CRB1: variants seen among roughly 807,000 people sequenced by gnomAD.
CRB1 encodes protein crumbs homolog 1.
CRB1 carries 83 observed loss-of-function variants against 120.0 expected under a neutral mutation model. That is an observed-to-expected ratio of 0.69 (90% CI 0.58 to 0.83). CRB1 has a LOEUF of 0.83. Ranked by LOEUF, CRB1 falls within the 40% of genes least tolerant of loss-of-function variation. The pLI, the probability that CRB1 is intolerant of heterozygous loss-of-function variation, is 0.00. For missense variants in CRB1, 1,699 were observed against 1,687.6 expected (o/e 1.01, Z -0.12); for synonymous variants, 625 against 612.5 (o/e 1.02, Z -0.30).
the CRB1 span, among the ~76,000 whole-genome samples, chr1:197,252,568 ATATATATATATATATGTGTGTGTG>A: frequency 4.3e-4 from 20 of 46,896 alleles, no homozygotes; most frequent in South Asian, 1.9e-3. Context: ...ATATATATAT[ATATATATATATATATGTGTGTGTG>A]TGTGTGTGTG....
chr1:197,212,746 G>A, the CRB1 span, among the ~76,000 whole-genome samples: 1 of 152,070 alleles, frequency 6.6e-6, no homozygotes, highest in South Asian at 2.1e-4. Context: ...ACAGAGTACT[G>A]TATGACAAGC....
intron 5 of CRB1, among the ~76,000 whole-genome samples, chr1:197,367,421 A>G (rs759018667): frequency 1.3e-5 from 2 of 152,240 alleles, no homozygotes; most frequent in Non-Finnish European, 2.9e-5. Context: ...TATGCCAGAT[A>G]GAAGTTAGTG....
intron 5 of CRB1, among the ~76,000 whole-genome samples, chr1:197,381,693 C>T (rs921183126): frequency 1.3e-5 from 2 of 152,160 alleles, no homozygotes; most frequent in South Asian, 4.1e-4. Flanking sequence ...CAGATGACAG[C>T]ATAACTCATT....
intron 1 of CRB1, among the ~76,000 whole-genome samples, chr1:197,289,161 T>A (rs906355202): frequency 3.3e-5 from 5 of 151,408 alleles, no homozygotes; most frequent in African/African-American, 1.2e-4. Flanking sequence ...AAAAAACAAA[T>A]CCCAAGTACA....
chr1:197,385,193 G>A (rs1405986172), intron 5 of CRB1, among the ~76,000 whole-genome samples: 1 of 152,092 alleles, frequency 6.6e-6, no homozygotes, highest in Non-Finnish European at 1.5e-5. Flanking sequence ...ACCTGCTATT[G>A]TTAATTAGTC....
rs181802759 is a variant in CRB1 at position 197,422,344 on chromosome 1, C to T, written c.2128+388C>T. On this transcript the variant is annotated intron_variant, in intron 6 of 11. Transcript: ENST00000367400. ...AAAAAACCTTAGACATAAAATTTGT[C>T]AGTGCCACATACTAGCATGATATCT... 2.0e-5 allele frequency among the ~76,000 whole-genome samples: 3 copies of T among 151,538 alleles called. No homozygotes were observed. The East Asian group carries it at 5.8e-4, about 29-fold the overall frequency.
chr1:197,266,543 C>T (rs774896951), upstream of CRB1, among the ~76,000 whole-genome samples: 29 of 152,092 alleles, frequency 1.9e-4, no homozygotes, highest in Non-Finnish European at 3.5e-4. Flanking sequence ...GAAAATTCAA[C>T]GTAAATATTA....
chr1:197,307,881 A>C (rs764993903), intron 1 of CRB1, among the ~76,000 whole-genome samples: 2 of 152,170 alleles, frequency 1.3e-5, no homozygotes, highest in Non-Finnish European at 2.9e-5. Context: ...ACCTTGAACA[A>C]GTTACTTAAA....
At chr1:197,219,524 G>A in the CRB1 span, among the ~76,000 whole-genome samples, 3 of 152,168 alleles carry the variant, frequency 2.0e-5, no homozygotes, top group Non-Finnish European at 2.9e-5. Context: ...CTTCTTATAC[G>A]ACTGCTAATA....
chr1:197,365,739 A>G (rs1661037627), intron 5 of CRB1, among the ~76,000 whole-genome samples: 2 of 151,534 alleles, frequency 1.3e-5, no homozygotes, highest in African/African-American at 4.9e-5. Context: ...AGAAAGAGCC[A>G]ACCTCGGCCA....
Position 197,470,691 on chromosome 1 carries a change from G to T in CRB1, c.4006-6973G>T, listed in dbSNP as rs190111543. Among the ~76,000 whole-genome samples the T allele has an allele frequency of 3.9e-4, 60 of 152,290 alleles. 1 individual carries two copies. The East Asian group carries it at 0.01, about 26-fold the overall frequency. ...CATCTATGCTTCTGCCTAAAATCTG[G>T]TATCCTAAGTAGGAGAGAGGTTGTG... On this transcript the variant is annotated intron_variant, in intron 11 of 11. Transcript: ENST00000367400.
chr1:197,246,774 A>G, the CRB1 span, among the ~76,000 whole-genome samples: 8 of 152,068 alleles, frequency 5.3e-5, no homozygotes, highest in Non-Finnish European at 7.4e-5. Context: ...ATTCACATAC[A>G]TATTGTCTAC....
intron 5 of CRB1, among the ~76,000 whole-genome samples, chr1:197,373,416 AGT>A (rs750892484): frequency 5.3e-5 from 8 of 152,150 alleles, no homozygotes; most frequent in Admixed American, 3.9e-4. Context: ...TGCCCTTCAA[AGT>A]GTGTACAAAT....
intron 1 of CRB1, among the ~76,000 whole-genome samples, chr1:197,286,250 G>A: frequency 6.6e-6 from 1 of 151,888 alleles, no homozygotes; most frequent in East Asian, 1.9e-4. Context: ...TTTCCCAATA[G>A]CAATCGTAAC....
At chr1:197,401,552 A>T (rs953543874) in intron 5 of CRB1, among the ~76,000 whole-genome samples, 1 of 152,170 alleles carries the variant, frequency 6.6e-6, no homozygotes, top group African/African-American at 2.4e-5. Context: ...TTGAAGAATA[A>T]CCTTGAACAA....
chr1:197,202,340 C>G, the CRB1 span, among the ~76,000 whole-genome samples: 1 of 152,172 alleles, frequency 6.6e-6, no homozygotes, highest in Non-Finnish European at 1.5e-5. Context: ...CAAAAACTCA[C>G]ATTCACATGG....
At chr1:197,305,105 A>G (rs1379846385) in intron 1 of CRB1, among the ~76,000 whole-genome samples, 1 of 152,138 alleles carries the variant, frequency 6.6e-6, no homozygotes, top group African/African-American at 2.4e-5. Flanking sequence ...GTTGGTTTTT[A>G]TGTCCTGCTC....
At position 197,414,034 on chromosome 1, in the gene CRB1, C is replaced by T; in HGVS notation, c.1172-6966C>T. 6.8e-6 allele frequency: 3 copies of T among 439,852 alleles called. No individual in the cohort carries two copies. In the Middle Eastern group the frequency reaches 1.0e-3, roughly 147 times the overall value. 27.2% of individuals were successfully genotyped at this position (439,852 alleles called of 1,614,324 possible). A position where few individuals can be genotyped will look rare whatever the true frequency, so the allele number is the denominator to read the frequency against. ...CTCTCTTCTTATATACGCTAATTTGCAACATGCTTAGTGTTTTTAAGATGT... is the reference window on the plus strand; with the variant it reads ...CTCTCTTCTTATATACGCTAATTTGTAACATGCTTAGTGTTTTTAAGATGT... On this transcript the variant is annotated intron_variant, in intron 5 of 11. Coordinates refer to ENST00000367400, the MANE Select transcript of CRB1 (RefSeq NM_201253.3).
chr1:197,269,735 T>C (rs1474420102), intron 1 of CRB1, among the ~76,000 whole-genome samples: 2 of 152,144 alleles, frequency 1.3e-5, no homozygotes, highest in Non-Finnish European at 1.5e-5. Flanking sequence ...TGTCATTCAA[T>C]GTAATATATA....
Sources: allele counts gnomAD v4.1 joint callset (sites outside exome capture counted in the v4.1 genomes callset), GRCh38; gene constraint gnomAD v4.1.1; transcripts MANE v1.5; gene names NCBI Gene and HGNC (gene_info 2026-07-23, HGNC 2026-07-21).